EXT1: variants seen among roughly 807,000 people sequenced by gnomAD.
EXT1 encodes exostosin-1.
EXT1 carries 20 observed loss-of-function variants against 82.5 expected under a neutral mutation model. The ratio of observed to expected loss-of-function variants is 0.24; its 90% CI spans 0.17 to 0.35. The LOEUF is 0.35. EXT1 is among the 10% of genes least tolerant of loss of function. EXT1 has a pLI of 1.00. For synonymous variants in EXT1, 348 were observed against 350.8 expected, an observed-to-expected ratio of 0.99 and a Z score of 0.09; for missense variants, 757 against 936.5, an observed-to-expected ratio of 0.81 and a Z score of 2.50.
chr8:117,822,696 T>G (rs1811945271), intron 4 of EXT1, 99 bp from the exon 5 acceptor site: 3 of 1,328,214 alleles, frequency 2.3e-6, no homozygotes, highest in Non-Finnish European at 3.2e-6. Context: ...GCAGTCAGAG[T>G]AGTGACTCTA....
chr8:117,879,535 T>C (rs963193537), intron 1 of EXT1, among the ~76,000 whole-genome samples: 2 of 152,298 alleles, frequency 1.3e-5, no homozygotes, highest in East Asian at 3.9e-4. Flanking sequence ...TGGTACTTTA[T>C]ACAGGCAGGA....
At chr8:118,092,844 C>T (rs1023929842) in intron 1 of EXT1, among the ~76,000 whole-genome samples, 2 of 152,130 alleles carry the variant, frequency 1.3e-5, no homozygotes, top group African/African-American at 4.8e-5. Context: ...TGAAAAATCA[C>T]TAGGCCATTT....
intron 1 of EXT1, among the ~76,000 whole-genome samples, chr8:117,893,820 TCCATCCTTGCCAGACCCGTTATCA>T (rs1813289990): frequency 2.0e-5 from 3 of 152,176 alleles, no homozygotes; most frequent in African/African-American, 7.2e-5. Context: ...ATCTTACAAG[TCCATCCTTGCCAGACCCGTTATCA>T]CCTAGTTTTA....
rs75329398 is a variant in EXT1 at position 117,917,015 on chromosome 8, C to T, written c.963-79814G>A. ...GAAACATATAGGTAATTGAAGACAGCCTATCACAATCAATTTTTCTCTCTA... is the reference window on the plus strand; with the variant it reads ...GAAACATATAGGTAATTGAAGACAGTCTATCACAATCAATTTTTCTCTCTA... On this transcript the variant is annotated intron_variant, in intron 1 of 10. Coordinates refer to ENST00000378204, the MANE Select transcript of EXT1 (RefSeq NM_000127.3). Among the ~76,000 whole-genome samples, 22 of 152,196 alleles carry T rather than the reference C, an allele frequency of 1.4e-4. No homozygotes were observed. In the East Asian group the frequency reaches 4.1e-3, roughly 28 times the overall value.
chr8:117,952,899 T>C (rs1814518736), intron 1 of EXT1, among the ~76,000 whole-genome samples: 1 of 152,232 alleles, frequency 6.6e-6, no homozygotes, highest in Non-Finnish European at 1.5e-5. Context: ...TCATGAATTT[T>C]ATAGTAAAAT....
At chr8:117,918,566 CTG>C (rs1813796274) in intron 1 of EXT1, among the ~76,000 whole-genome samples, 1 of 152,216 alleles carries the variant, frequency 6.6e-6, no homozygotes, top group Non-Finnish European at 1.5e-5. Flanking sequence ...AGAGGTGACA[CTG>C]TGTCTGTTTT....
At chr8:117,851,448 C>T (rs1563579643) in intron 1 of EXT1, among the ~76,000 whole-genome samples, 1 of 149,766 alleles carries the variant, frequency 6.7e-6, no homozygotes, top group African/African-American at 2.4e-5. Context: ...CCAGTTTCCA[C>T]AGAAGTGCTT....
At chr8:117,963,511 G>A (rs745330377) in intron 1 of EXT1, among the ~76,000 whole-genome samples, 1 of 151,992 alleles carries the variant, frequency 6.6e-6, no homozygotes, top group Non-Finnish European at 1.5e-5. Context: ...TTATTTTTGA[G>A]ACAGGGTCTC....
At chr8:118,002,247 A>C (rs1230718350) in intron 1 of EXT1, among the ~76,000 whole-genome samples, 1 of 151,898 alleles carries the variant, frequency 6.6e-6, no homozygotes, top group Non-Finnish European at 1.5e-5. Flanking sequence ...CTTTACACTA[A>C]GAAGATTTAA....
intron 1 of EXT1, among the ~76,000 whole-genome samples, chr8:117,987,267 A>G (rs959618629): frequency 1.3e-5 from 2 of 152,180 alleles, no homozygotes; most frequent in African/African-American, 4.8e-5. Flanking sequence ...TTTCTCAGAC[A>G]CTAACCTGGA....
At chr8:117,930,403 AT>A (rs1365238605) in intron 1 of EXT1, among the ~76,000 whole-genome samples, 2 of 151,812 alleles carry the variant, frequency 1.3e-5, no homozygotes, top group African/African-American at 2.4e-5. Context: ...AAAAAAAAAA[AT>A]AGGACATTTA....
intron 3 of EXT1, among the ~76,000 whole-genome samples, chr8:117,833,614 C>CAA (rs767133166): frequency 1.5e-5 from 2 of 130,772 alleles, no homozygotes; most frequent in African/African-American, 5.7e-5. Context: ...GACTCCATCT[C>CAA]AAAAAAAAAA....
At chr8:118,007,610 C>G (rs1419393253) in intron 1 of EXT1, among the ~76,000 whole-genome samples, 1 of 152,202 alleles carries the variant, frequency 6.6e-6, no homozygotes, top group Non-Finnish European at 1.5e-5. Flanking sequence ...CATCCAGGAA[C>G]TTAAAGTAAA....
intron 1 of EXT1, among the ~76,000 whole-genome samples, chr8:118,062,281 G>C (rs1160229078): frequency 6.6e-6 from 1 of 152,196 alleles, no homozygotes; most frequent in Non-Finnish European, 1.5e-5. Flanking sequence ...TTTAGGTAGA[G>C]GCCAAGTAAG....
chr8:117,934,688 C>A (rs989933140), intron 1 of EXT1, among the ~76,000 whole-genome samples: 2 of 152,186 alleles, frequency 1.3e-5, no homozygotes, highest in Non-Finnish European at 2.9e-5. Context: ...CAGCTGGGTG[C>A]GCAAAGAACC....
intron 1 of EXT1, among the ~76,000 whole-genome samples, chr8:117,957,052 T>C (rs762226109): frequency 6.6e-6 from 1 of 152,206 alleles, no homozygotes; most frequent in Non-Finnish European, 1.5e-5. Context: ...AACCATCTGA[T>C]AGTTCCGGGG....
intron 1 of EXT1, among the ~76,000 whole-genome samples, chr8:117,931,784 C>T (rs979512265): frequency 2.0e-5 from 3 of 152,194 alleles, no homozygotes; most frequent in Non-Finnish European, 4.4e-5. Flanking sequence ...ACCAGGACAT[C>T]ATAGCCTTAA....
intron 1 of EXT1, among the ~76,000 whole-genome samples, chr8:118,088,077 C>A (rs952521864): frequency 1.3e-5 from 2 of 151,994 alleles, no homozygotes; most frequent in Non-Finnish European, 2.9e-5. Flanking sequence ...TGAACAGCAA[C>A]TGCTGAATCC....
chr8:117,948,784 T>C (rs972353124), intron 1 of EXT1, among the ~76,000 whole-genome samples: 1 of 152,250 alleles, frequency 6.6e-6, no homozygotes, highest in Admixed American at 6.5e-5. Context: ...GTAATTTGTC[T>C]TGGTCTTCAT....
Sources: allele counts gnomAD v4.1 joint callset (sites outside exome capture counted in the v4.1 genomes callset), GRCh38; gene constraint gnomAD v4.1.1; transcripts MANE v1.5; gene names NCBI Gene and HGNC (gene_info 2026-07-23, HGNC 2026-07-21).